Variants in SRGAP3 observed in about 807,000 individuals in gnomAD.
SRGAP3 encodes the protein SLIT-ROBO Rho GTPase-activating protein 3.
SRGAP3 carries 39 observed loss-of-function variants against 121.1 expected under a neutral mutation model. The ratio of observed to expected loss-of-function variants is 0.32; its 90% CI spans 0.25 to 0.42. The LOEUF is 0.42. SRGAP3 is among the 10% of genes least tolerant of loss of function. The pLI, the probability that SRGAP3 is intolerant of heterozygous loss-of-function variation, is 1.00. For synonymous variants in SRGAP3, 601 were observed against 570.0 expected (o/e 1.05, Z -0.77); for missense variants, 1,213 against 1,470.6 (o/e 0.82, Z 2.86).
At chr3:9,169,263 T>C (rs1354880737) in intron 1 of SRGAP3, among the ~76,000 whole-genome samples, 1 of 152,222 alleles carries the variant, frequency 6.6e-6, no homozygotes, top group Non-Finnish European at 1.5e-5. Flanking sequence ...GTAAGTATGA[T>C]TATAATCATT....
intron 21 of SRGAP3, among the ~76,000 whole-genome samples, chr3:8,988,146 C>A (rs968365808): frequency 4.6e-5 from 7 of 152,158 alleles, no homozygotes; most frequent in African/African-American, 1.7e-4. Context: ...CAGAGCTGAG[C>A]GGCAGAGAGG....
chr3:9,229,436 A>G (rs1458873696), intron 1 of SRGAP3, among the ~76,000 whole-genome samples: 2 of 152,142 alleles, frequency 1.3e-5, no homozygotes, highest in Non-Finnish European at 2.9e-5. Context: ...TAGAGCTGAG[A>G]TTCAGGTGTG....
At chr3:9,186,269 C>T (rs561844314) in intron 1 of SRGAP3, among the ~76,000 whole-genome samples, 7 of 152,126 alleles carry the variant, frequency 4.6e-5, no homozygotes, top group Non-Finnish European at 1.0e-4. Flanking sequence ...TCCTTCTCTC[C>T]CAAAGAGAAT....
At chr3:9,314,575 G>C (rs1473115695) in intron 3 of SRGAP3, among the ~76,000 whole-genome samples, 1 of 152,120 alleles carries the variant, frequency 6.6e-6, no homozygotes, top group Non-Finnish European at 1.5e-5. Flanking sequence ...CAATGAAAGA[G>C]ATGTAATACT....
At chr3:8,999,359 G>T (rs1942609381) in intron 18 of SRGAP3, among the ~76,000 whole-genome samples, 2 of 152,366 alleles carry the variant, frequency 1.3e-5, no homozygotes, top group East Asian at 3.9e-4. Flanking sequence ...GAGATGAAAA[G>T]ACATGTTGAA....
intron 1 of SRGAP3, among the ~76,000 whole-genome samples, chr3:9,179,548 T>C (rs1449795462): frequency 6.6e-6 from 1 of 152,208 alleles, no homozygotes; most frequent in African/African-American, 2.4e-5. Context: ...CTGGTGGCTA[T>C]AGCCACATGA....
intron 3 of SRGAP3, 74 bp from the exon 4 acceptor site, chr3:9,080,161 G>A (rs948514474): frequency 2.8e-5 from 42 of 1,497,500 alleles, no homozygotes; most frequent in Middle Eastern, 1.7e-4. Context: ...TTTCAAAAGC[G>A]AAAGGTCAGG....
chr3:9,072,169 C>A (rs1946753266), intron 4 of SRGAP3, among the ~76,000 whole-genome samples: 1 of 152,186 alleles, frequency 6.6e-6, no homozygotes, highest in South Asian at 2.1e-4. Context: ...GCTGACTGGG[C>A]GGAGGCTCCC....
intron 2 of SRGAP3, among the ~76,000 whole-genome samples, chr3:9,328,549 A>G (rs114948663): frequency 1.9e-3 from 291 of 152,380 alleles, no homozygotes; most frequent in African/African-American, 6.8e-3. Context: ...TAGCCAGGCC[A>G]AACGGCTGAT....
intron 18 of SRGAP3, among the ~76,000 whole-genome samples, chr3:9,002,445 A>T (rs545994928): frequency 1.3e-5 from 2 of 152,374 alleles, no homozygotes; most frequent in South Asian, 4.1e-4. Context: ...AGCAGTGCTT[A>T]GAAGGAAATG....
At chr3:9,158,447 G>T (rs1331521112) in intron 1 of SRGAP3, among the ~76,000 whole-genome samples, 1 of 152,170 alleles carries the variant, frequency 6.6e-6, no homozygotes, top group African/African-American at 2.4e-5. Context: ...TTATTTCACA[G>T]TCATATTCCC....
At chr3:9,279,222 T>A (rs1352023500) in intron 3 of SRGAP3, among the ~76,000 whole-genome samples, 1 of 152,152 alleles carries the variant, frequency 6.6e-6, no homozygotes, top group African/African-American at 2.4e-5. Context: ...GCATTATGTG[T>A]TCATCCCTGC....
intron 1 of SRGAP3, among the ~76,000 whole-genome samples, chr3:9,224,597 G>A (rs2125206699): frequency 6.6e-6 from 1 of 152,230 alleles, no homozygotes; most frequent in African/African-American, 2.4e-5. Flanking sequence ...CCCAAGAAAG[G>A]GCGAGTCCTT....
rs1953548408 is a variant in SRGAP3 at position 9,239,557 on chromosome 3, A to AG, written c.67+9327dup. Among the ~76,000 whole-genome samples, 1 of 152,166 alleles carries AG rather than the reference A, an allele frequency of 6.6e-6. No individual in the cohort carries two copies. Among genetic ancestry groups the AG allele is most frequent in the South Asian group, 2.1e-4 (1 of 4,836 alleles). ...CACCTAGCACTGGCTATGCAATCCCAGGGGGAAGAGCCAGGTCCATTCAAG... is the reference window on the plus strand; with the variant it reads ...CACCTAGCACTGGCTATGCAATCCCAGGGGGGAAGAGCCAGGTCCATTCAAG... On this transcript the variant is annotated intron_variant, in intron 1 of 21. Transcript: ENST00000383836. The surrounding 1 kb of genome is among the most constrained non-coding windows in gnomAD (Gnocchi z 4.0).
Position 9,053,307 on chromosome 3 carries a change from T to G in SRGAP3, c.1126-83A>C, listed in dbSNP as rs182488811. 3.5e-4 allele frequency: 474 copies of G among 1,371,914 alleles called. No individual in the cohort carries two copies. In the Middle Eastern group the frequency reaches 7.7e-3, roughly 22 times the overall value. 85.0% of individuals were successfully genotyped at this position (1,371,914 alleles called of 1,614,324 possible). A position where few individuals can be genotyped will look rare whatever the true frequency, so the allele number is the denominator to read the frequency against. On this transcript the variant is annotated intron_variant, in intron 8 of 21. Coordinates refer to ENST00000383836, the MANE Select transcript of SRGAP3 (RefSeq NM_014850.4). ...TAAAGTCCCTTTCCCAGCTGTCACTTTACTTCTTCCATATGAAGTCCCTAG... is the reference window on the plus strand; with the variant it reads ...TAAAGTCCCTTTCCCAGCTGTCACTGTACTTCTTCCATATGAAGTCCCTAG...
rs55678787 is a variant in SRGAP3, at chr3:8,984,369, G to C, written c.*1150C>G. The stretch of plus-strand genomic sequence containing the variant: ...TCACAGCCTGATTTAAAATGAAAAC[G>C]ATGTGACTCAAAGCCTCCTTGCCTG... On this transcript the variant is annotated 3_prime_UTR_variant, in exon 22 of 22. Coordinates refer to ENST00000383836, the MANE Select transcript of SRGAP3 (RefSeq NM_014850.4). The C allele has an allele frequency of 5.1e-3, 1,186 of 230,758 alleles. 14 individuals are homozygous for C. Among genetic ancestry groups the C allele is most frequent in the African/African-American group, 0.024 (1,072 of 45,310 alleles). The allele number at this position is 230,758 out of a possible 1,614,324, so 14.3% of individuals were successfully genotyped here.
Position 9,249,010 on chromosome 3 carries a change from G to C in SRGAP3, c.-59C>G, listed in dbSNP as rs1953923600. 1.9e-6 allele frequency: 3 copies of C among 1,545,568 alleles called. No homozygotes were observed. The highest frequency in any genetic ancestry group is 2.2e-5 in the East Asian group (1 of 44,536). On this transcript the variant is annotated 5_prime_UTR_variant, in exon 1 of 22. Transcript: ENST00000383836. ...TTGATTTATTTCTCCTTTTCTTTTC[G>C]AGTCCTCTCTCAAGCCCTGGTAATC...
intron 3 of SRGAP3, among the ~76,000 whole-genome samples, chr3:9,264,987 C>T (rs1337866392): frequency 6.6e-6 from 1 of 152,180 alleles, no homozygotes; most frequent in Non-Finnish European, 1.5e-5. Context: ...TACAAGGCTA[C>T]AGTAACCAAA....
chr3:9,093,417 C>T (rs934539718), intron 3 of SRGAP3, among the ~76,000 whole-genome samples: 2 of 152,180 alleles, frequency 1.3e-5, no homozygotes, highest in Non-Finnish European at 2.9e-5. Flanking sequence ...ATTTATCCAT[C>T]CACCCATCTA....
Sources: gnomAD v4.1 joint callset for allele counts (sites outside exome capture counted in the v4.1 genomes callset) on GRCh38, gnomAD v4.1.1 for gene constraint, Gnocchi (gnomAD v3.1) non-coding constraint, MANE v1.5 for transcripts, NCBI Gene and HGNC (gene_info 2026-07-23, HGNC 2026-07-21) for gene names.